The following CHSY3 variants were observed in gnomAD, a reference collection of about 807,000 sequenced individuals.
CHSY3 encodes the protein N-acetylgalactosaminyl-proteoglycan 3-beta-glucuronosyltransferase 3.
Under a neutral mutation model 67.2 loss-of-function variants are expected in CHSY3, and 35 were observed. That is an observed-to-expected ratio of 0.52 (90% CI 0.40 to 0.69). The LOEUF (loss-of-function observed/expected upper bound fraction) is 0.69. Among genes scored for constraint, CHSY3 ranks in the 30% least tolerant of loss-of-function variants. CHSY3 has a pLI of 0.00. For synonymous variants in CHSY3, 474 were observed against 434.7 expected (o/e 1.09, Z -1.12); for missense variants, 1,069 against 1,138.5 (o/e 0.94, Z 0.88).
chr5:130,000,758 T>A (rs1763702118), intron 2 of CHSY3, among the ~76,000 whole-genome samples: 1 of 127,824 alleles, frequency 7.8e-6, no homozygotes, highest in Admixed American at 8.3e-5. Context: ...TTTTTTTTTT[T>A]GTAGAGATGA....
chr5:130,122,208 G>C (rs1768057674), intron 2 of CHSY3, among the ~76,000 whole-genome samples: 1 of 152,174 alleles, frequency 6.6e-6, no homozygotes, highest in Non-Finnish European at 1.5e-5. Flanking sequence ...AAATCAGCCT[G>C]TGATAACAGC....
chr5:130,128,322 A>G (rs1157680654), intron 2 of CHSY3, among the ~76,000 whole-genome samples: 2 of 151,784 alleles, frequency 1.3e-5, no homozygotes, highest in African/African-American at 4.8e-5. Flanking sequence ...GTATGTGTAA[A>G]TAATGAATAG....
intron 2 of CHSY3, among the ~76,000 whole-genome samples, chr5:130,025,370 G>A (rs1367024528): frequency 6.6e-6 from 1 of 152,152 alleles, no homozygotes; most frequent in African/African-American, 2.4e-5. Context: ...AGCTAAGAAA[G>A]AAGGCCTGTG....
chr5:129,905,562 T>A lies in CHSY3; in HGVS notation c.733T>A (p.Tyr245Asn). 1.2e-6 allele frequency: 2 copies of A among 1,613,732 alleles called. No individual in the cohort carries two copies. Among genetic ancestry groups the A allele is most frequent in the Non-Finnish European group, 1.7e-6 (2 of 1,180,014 alleles). The change falls in exon 1 of 3, where the codon TAC becomes AAC. Residue 245 changes from tyrosine (Y) to asparagine (N), a missense_variant. By Grantham distance (143) the Tyr-to-Asn change is moderately radical. Around this residue, in one of 5 missense-constraint regions of CHSY3, gnomAD observed 216 missense variants for 311.5 expected, o/e 0.69. Transcript: ENST00000305031. ...GAAAAAGTCCTTCATGATGATCAAG[T>A]ACATGCACGACCACTACCTGGACAA... is the stretch of plus-strand genomic sequence containing the variant. ...PQKKSFMMIK[Y>N]MHDHYLDKYE...
At chr5:130,081,024 T>C (rs1766429427) in intron 2 of CHSY3, among the ~76,000 whole-genome samples, 1 of 152,030 alleles carries the variant, frequency 6.6e-6, no homozygotes, top group Admixed American at 6.6e-5. Flanking sequence ...AGGTCGTAAT[T>C]TTTTTAGGGG....
intron 2 of CHSY3, among the ~76,000 whole-genome samples, chr5:130,064,268 G>A (rs1421231602): frequency 6.6e-6 from 1 of 152,092 alleles, no homozygotes; most frequent in African/African-American, 2.4e-5. Flanking sequence ...AAATGCACCA[G>A]ATGTTTTGCA....
intron 2 of CHSY3, among the ~76,000 whole-genome samples, chr5:130,079,710 A>G (rs1263358723): frequency 6.6e-6 from 1 of 152,110 alleles, no homozygotes; most frequent in Non-Finnish European, 1.5e-5. Flanking sequence ...CTGCAACAGT[A>G]GCATAATAAA....
chr5:129,931,287 A>T (rs993730074), intron 2 of CHSY3, among the ~76,000 whole-genome samples: 4 of 152,138 alleles, frequency 2.6e-5, no homozygotes, highest in Non-Finnish European at 5.9e-5. Flanking sequence ...GATTTCTTCC[A>T]GCGTAGCTCT....
chr5:129,968,057 G>C (rs1762517445), intron 2 of CHSY3, among the ~76,000 whole-genome samples: 1 of 151,720 alleles, frequency 6.6e-6, no homozygotes, highest in African/African-American at 2.4e-5. Flanking sequence ...TTAAAATAAA[G>C]TTTTCAAGTT....
chr5:130,041,158 A>C (rs1039473100), intron 2 of CHSY3, among the ~76,000 whole-genome samples: 6 of 152,048 alleles, frequency 3.9e-5, no homozygotes, highest in Non-Finnish European at 2.9e-5. Context: ...TACCCCCCAA[A>C]AAAGTTACAT....
chr5:130,062,058 GGAAAA>G (rs1765731699), intron 2 of CHSY3, among the ~76,000 whole-genome samples: 1 of 151,912 alleles, frequency 6.6e-6, no homozygotes, highest in Non-Finnish European at 1.5e-5. Context: ...TCTACCCTAA[GGAAAA>G]GAAATCATTC....
chr5:130,067,575 G>A (rs116169993), intron 2 of CHSY3, among the ~76,000 whole-genome samples: 1,726 of 152,158 alleles, frequency 0.011, 26 homozygotes, highest in African/African-American at 0.038. Flanking sequence ...AGGTACCTGT[G>A]CCACCTCTGT....
chr5:130,037,632 G>A (rs1441326543), intron 2 of CHSY3, among the ~76,000 whole-genome samples: 2 of 151,808 alleles, frequency 1.3e-5, no homozygotes, highest in African/African-American at 4.8e-5. Flanking sequence ...GAGATGGAGA[G>A]GTGACTTTTC....
In CHSY3 at chr5:130,001,597, G is replaced by T. The variant is rs936344431; in HGVS notation, c.1086+93237G>T. 8.3e-6 allele frequency: 7 copies of T among 847,520 alleles called. No individual in the cohort carries two copies. In the Admixed American group the frequency reaches 3.7e-4, roughly 45 times the overall value. 52.5% of individuals were successfully genotyped at this position (847,520 alleles called of 1,614,324 possible). ...ATTCCAAAAGAATAGTACTACATGA[G>T]CATTCTGTGAGAATTTATGTGTTGT... On this transcript the variant is annotated intron_variant, in intron 2 of 2. Transcript: ENST00000305031.
chr5:130,040,877 A>C (rs1764989277), intron 2 of CHSY3, among the ~76,000 whole-genome samples: 1 of 152,128 alleles, frequency 6.6e-6, no homozygotes, highest in Non-Finnish European at 1.5e-5. Flanking sequence ...GTTCAATACA[A>C]AAAGTGGTCT....
At position 129,941,657 on chromosome 5, in the gene CHSY3, C is replaced by G. The variant is rs146632363; in HGVS notation, c.1086+33297C>G. On this transcript the variant is annotated intron_variant, in intron 2 of 2. Coordinates refer to ENST00000305031, the MANE Select transcript of CHSY3 (RefSeq NM_175856.5). Reference sequence around the variant, plus strand: ...AACTTTCTCAAACCATGTTTTTCCTCTAATCTCATACTACCGCAACAGTCA... The same window carrying G: ...AACTTTCTCAAACCATGTTTTTCCTGTAATCTCATACTACCGCAACAGTCA... Among the ~76,000 whole-genome samples the G allele has an allele frequency of 1.3e-4, 20 of 152,266 alleles. No homozygotes were observed. The East Asian group carries it at 3.9e-3, about 29-fold the overall frequency.
At chr5:129,991,911 G>C (rs751197919) in intron 2 of CHSY3, among the ~76,000 whole-genome samples, 1 of 152,100 alleles carries the variant, frequency 6.6e-6, no homozygotes, top group African/African-American at 2.4e-5. Context: ...GAACTCTCTA[G>C]GTTGCTCCAC....
At chr5:130,085,467 A>G (rs188201990) in intron 2 of CHSY3, among the ~76,000 whole-genome samples, 2 of 151,882 alleles carry the variant, frequency 1.3e-5, no homozygotes, top group African/African-American at 4.8e-5. Flanking sequence ...CCCCTTTATC[A>G]TTTTTTATTG....
chr5:130,030,208 T>G (rs2149659510), intron 2 of CHSY3, among the ~76,000 whole-genome samples: 1 of 152,284 alleles, frequency 6.6e-6, no homozygotes, highest in East Asian at 1.9e-4. Flanking sequence ...TGTTTTGTTC[T>G]AATGAACTGA....
Sources: gnomAD v4.1 joint callset for allele counts (sites outside exome capture counted in the v4.1 genomes callset) on GRCh38, gnomAD v4.1.1 for gene constraint, gnomAD v4.1.1 regional missense constraint, MANE v1.5 for transcripts, NCBI Gene and HGNC (gene_info 2026-07-23, HGNC 2026-07-21) for gene names.